The following SSU72 variants were observed in gnomAD, a reference collection of about 807,000 sequenced individuals.
SSU72 encodes the protein RNA polymerase II subunit A C-terminal domain phosphatase SSU72.
Under a neutral mutation model 22.7 loss-of-function variants are expected in SSU72, and 12 were observed. The ratio of observed to expected loss-of-function variants is 0.53; its 90% CI spans 0.34 to 0.86. The LOEUF is 0.86. Ranked by LOEUF, SSU72 falls within the 40% of genes least tolerant of loss-of-function variation. The pLI, the probability that SSU72 is intolerant of heterozygous loss-of-function variation, is 0.02. For synonymous variants in SSU72, 116 were observed against 98.3 expected (o/e 1.18, Z -1.06); for missense variants, 151 against 249.8 (o/e 0.60, Z 2.67).
At position 1,541,752 on chromosome 1, in the gene SSU72, G is replaced by A. The variant is rs1642321957; in HGVS notation, c.*314C>T. ...AGGGCTCTGTACAGTCCGGCCCGGT[G>A]GGGAGGAGGGAGGGAAGGCAGGCAC... is the stretch of plus-strand genomic sequence containing the variant. On this transcript the variant is annotated 3_prime_UTR_variant, in exon 5 of 5. Transcript: ENST00000291386. 5.2e-6 allele frequency: 2 copies of A among 383,906 alleles called. No homozygotes were observed. Among genetic ancestry groups the A allele is most frequent in the South Asian group, 4.4e-5 (2 of 45,488 alleles). The allele number at this position is 383,906 out of a possible 1,614,324, so 23.8% of individuals were successfully genotyped here. A position where few individuals can be genotyped will look rare whatever the true frequency, so the allele number is the denominator to read the frequency against.
intron 2 of SSU72, among the ~76,000 whole-genome samples, chr1:1,551,211 C>CT (rs1642452013): frequency 6.6e-6 from 1 of 152,210 alleles, no homozygotes; most frequent in Non-Finnish European, 1.5e-5. Flanking sequence ...CCACACACGT[C>CT]TCCCAGAGGC....
chr1:1,568,998 C>G (rs1470220430), intron 1 of SSU72, among the ~76,000 whole-genome samples: 2 of 152,072 alleles, frequency 1.3e-5, no homozygotes, highest in African/African-American at 4.8e-5. Context: ...ATGGTGAAAC[C>G]CCGTCTCTAC....
chr1:1,560,630 T>C (rs1415787348), intron 2 of SSU72, among the ~76,000 whole-genome samples: 1 of 152,136 alleles, frequency 6.6e-6, no homozygotes, highest in Admixed American at 6.6e-5. Flanking sequence ...AATGCAGGAT[T>C]TTTTCACTTT....
In SSU72 at chr1:1,542,619, G is replaced by A. The variant is rs991152011; in HGVS notation, c.484-452C>T. ...CCGCTGCCCCAGAGTGAGCAGGCCC[G>A]GCTCCTAGGCACACCTGCCCTGGCA... On this transcript the variant is annotated intron_variant, in intron 4 of 4. Coordinates refer to ENST00000291386, the MANE Select transcript of SSU72 (RefSeq NM_014188.3). The surrounding 1 kb of genome is among the most constrained non-coding windows in gnomAD (Gnocchi z 4.4). Among the ~76,000 whole-genome samples, 1 of 152,088 alleles carries A rather than the reference G, an allele frequency of 6.6e-6. No individual in the cohort carries two copies. The highest frequency in any genetic ancestry group is 1.5e-5 in the Non-Finnish European group (1 of 68,018).
intron 1 of SSU72, among the ~76,000 whole-genome samples, chr1:1,565,971 T>C (rs1025223234): frequency 1.3e-5 from 2 of 152,064 alleles, no homozygotes; most frequent in African/African-American, 2.4e-5. Context: ...AAAAGTTACT[T>C]TGGCACCGAG....
chr1:1,545,083 C>G, intron 2 of SSU72, 81 bp from the exon 3 acceptor site: 4 of 1,525,412 alleles, frequency 2.6e-6, no homozygotes, highest in Non-Finnish European at 3.6e-6. Context: ...GGACACCCAG[C>G]CCCTTCCCTG....
rs971401782 is a variant in SSU72 at position 1,554,165 on chromosome 1, G to A, written c.225-9163C>T. Among the ~76,000 whole-genome samples, 1 of 151,024 alleles carries A rather than the reference G, an allele frequency of 6.6e-6. No individual in the cohort carries two copies. The highest frequency in any genetic ancestry group is 2.5e-5 in the African/African-American group (1 of 40,554). ...GTGAAGCTGAGCACGAGGCGGATCC[G>A]GACCACTAAGGGGTCCCCACGAAGC... On this transcript the variant is annotated intron_variant, in intron 2 of 4. Transcript: ENST00000291386. The surrounding 1 kb of genome is among the most constrained non-coding windows in gnomAD (Gnocchi z 4.1).
intron 4 of SSU72, 79 bp downstream of exon 4, chr1:1,543,790 C>T (rs1272515115): frequency 2.5e-6 from 3 of 1,217,988 alleles, no homozygotes; most frequent in South Asian, 1.2e-5. Context: ...ACGGCCTCGG[C>T]CACTCCCCTC....
chr1:1,550,810 C>A (rs548611470), intron 2 of SSU72, among the ~76,000 whole-genome samples: 1 of 152,306 alleles, frequency 6.6e-6, no homozygotes, highest in South Asian at 2.1e-4. Context: ...GGTTCATCAG[C>A]AGGAAGGCTG....
At chr1:1,573,435 AAAAAAAAAAAAAAAAAAAAAAG>A (rs1206736486) in intron 1 of SSU72, among the ~76,000 whole-genome samples, 1 of 44,500 alleles carries the variant, frequency 2.2e-5, no homozygotes, top group East Asian at 0.01. Flanking sequence ...GTCTCAAAAA[AAAAAAAAAAAAAAAAAAAAAAG>A]AAAGAAAAGA....
At position 1,551,016 on chromosome 1, in the gene SSU72, C is replaced by T. The variant is rs572238347; in HGVS notation, c.225-6014G>A. 4.1e-3 allele frequency among the ~76,000 whole-genome samples: 630 copies of T among 152,308 alleles called. 1 individual carries two copies. Among genetic ancestry groups the T allele is most frequent in the Non-Finnish European group, 5.7e-3 (387 of 68,016 alleles). The stretch of plus-strand genomic sequence containing the variant: ...CTGTCCTGCCAGCGCCCCCAGGCTG[C>T]CCGGGCCTTCAACAACCTCTACAGG... On this transcript the variant is annotated intron_variant, in intron 2 of 4. Coordinates refer to ENST00000291386, the MANE Select transcript of SSU72 (RefSeq NM_014188.3).
chr1:1,545,013 G>A lies in SSU72; in HGVS notation c.225-11C>T, dbSNP rs371602770. The A allele has an allele frequency of 1.9e-6, 3 of 1,611,318 alleles. No homozygotes were observed. Among genetic ancestry groups the A allele is most frequent in the Admixed American group, 3.3e-5 (2 of 59,908 alleles). Reference sequence around the variant, plus strand: ...CCATTCTGTGTATAGCTACACATGGGAGTTAAGGAACGTCAGAGAAAAGGC... The same window carrying A: ...CCATTCTGTGTATAGCTACACATGGAAGTTAAGGAACGTCAGAGAAAAGGC... On this transcript the variant is annotated splice_polypyrimidine_tract_variant and intron_variant, in intron 2 of 4. Coordinates refer to ENST00000291386, the MANE Select transcript of SSU72 (RefSeq NM_014188.3).
intron 4 of SSU72, among the ~76,000 whole-genome samples, chr1:1,543,240 AGGGGTGGAC>A (rs977057491): frequency 1.1e-4 from 16 of 152,172 alleles, no homozygotes; most frequent in African/African-American, 3.9e-4. Context: ...GGCCAAGTCC[AGGGGTGGAC>A]GGCGGACACA....
In SSU72 at chr1:1,554,330, G is replaced by C. The variant is rs1287310141; in HGVS notation, c.225-9328C>G. ...CGGGGGTCCCCACGAAGCTGAGCATGAGGCGGATCCGGACCACTCGGGGGT... is the reference window on the plus strand; with the variant it reads ...CGGGGGTCCCCACGAAGCTGAGCATCAGGCGGATCCGGACCACTCGGGGGT... On this transcript the variant is annotated intron_variant, in intron 2 of 4. Coordinates refer to ENST00000291386, the MANE Select transcript of SSU72 (RefSeq NM_014188.3). This position sits in a 1 kb window ranked among gnomAD's most constrained non-coding sequence, Gnocchi z 4.1. Among the ~76,000 whole-genome samples, 2 of 151,978 alleles carry C rather than the reference G, an allele frequency of 1.3e-5. No homozygotes were observed. The highest frequency in any genetic ancestry group is 3.9e-4 in the East Asian group (2 of 5,150).
chr1:1,564,612 C>A lies in SSU72; in HGVS notation c.224+161G>T, dbSNP rs756151752. ...GGTGGCACTGGAACTAACCCGTGGA[C>A]GATCCGACGTGCACCAGGAATAGAA... is the stretch of plus-strand genomic sequence containing the variant. On this transcript the variant is annotated intron_variant, in intron 2 of 4. Transcript: ENST00000291386. 5 of 1,612,818 alleles carry A rather than the reference C, an allele frequency of 3.1e-6. No individual in the cohort carries two copies. In the South Asian group the frequency reaches 5.5e-5, roughly 18 times the overall value.
At chr1:1,572,254 C>T (rs1364064507) in intron 1 of SSU72, among the ~76,000 whole-genome samples, 2 of 142,320 alleles carry the variant, frequency 1.4e-5, no homozygotes, top group East Asian at 2.4e-4. Context: ...GGTGAAACCC[C>T]GTCTCTACTA....
chr1:1,570,883 G>A lies in SSU72; in HGVS notation c.80+3595C>T, dbSNP rs185604978. Among the ~76,000 whole-genome samples the A allele has an allele frequency of 5.1e-3, 769 of 152,078 alleles. 5 individuals carry two copies. The highest frequency in any genetic ancestry group is 5.5e-3 in the African/African-American group (228 of 41,474). ...TCCCAGCACTTTGGGAGGCCAAGGCGGGCAGATCACGAGGTCAGGAGATCG... is the reference window on the plus strand; with the variant it reads ...TCCCAGCACTTTGGGAGGCCAAGGCAGGCAGATCACGAGGTCAGGAGATCG... On this transcript the variant is annotated intron_variant, in intron 1 of 4. Coordinates refer to ENST00000291386, the MANE Select transcript of SSU72 (RefSeq NM_014188.3).
intron 1 of SSU72, 149 bp downstream of exon 1, chr1:1,574,329 G>T (rs1049195230): frequency 1.3e-6 from 1 of 772,708 alleles, no homozygotes; most frequent in Non-Finnish European, 2.0e-6. Context: ...GCGCGCTGCC[G>T]TCCAGCTGCC....
rs754872641 is a variant in SSU72 at position 1,544,723 on chromosome 1, C to T, written c.364+140G>A. Reference sequence around the variant, plus strand: ...GCGACCAGCGGCCCTGCCTGCCTTCCAGGGTGCTTCACACTCAGGTCTGCT... The same window carrying T: ...GCGACCAGCGGCCCTGCCTGCCTTCTAGGGTGCTTCACACTCAGGTCTGCT... On this transcript the variant is annotated intron_variant, in intron 3 of 4. Transcript: ENST00000291386. The T allele has an allele frequency of 2.1e-5, 26 of 1,226,068 alleles. No homozygotes were observed. The Admixed American group carries it at 2.7e-4, about 13-fold the overall frequency. 75.9% of individuals were successfully genotyped at this position (1,226,068 alleles called of 1,614,324 possible).
Sources: allele counts gnomAD v4.1 joint callset (sites outside exome capture counted in the v4.1 genomes callset), GRCh38; gene constraint gnomAD v4.1.1; non-coding constraint Gnocchi (gnomAD v3.1); transcripts MANE v1.5; gene names NCBI Gene and HGNC (gene_info 2026-07-23, HGNC 2026-07-21).